The following ZMYM2 variants were observed in gnomAD, a reference collection of about 807,000 sequenced individuals.
The protein encoded by ZMYM2 is zinc finger MYM-type containing 2, also known as zinc finger MYM-type protein 2.
In ZMYM2, 56 loss-of-function variants were observed where a neutral mutation model predicts 162.8. That is an observed-to-expected ratio of 0.34 (90% confidence interval 0.28 to 0.43). The LOEUF is 0.43. ZMYM2 is among the 20% of genes least tolerant of loss of function. The pLI is 1.00. For missense variants in ZMYM2, 1,275 were observed against 1,621.8 expected (o/e 0.79, Z 3.67); for synonymous variants, 510 against 541.6 (o/e 0.94, Z 0.81).
At chr13:20,070,126 G>C (rs1314531133) in intron 21 of ZMYM2, 1 of 154,306 alleles carries the variant, frequency 6.5e-6, no homozygotes, top group African/African-American at 2.4e-5. Context: ...AGCTTCCTTA[G>C]GTTTCACATC....
At chr13:19,935,514 A>G in the ZMYM2 span, among the ~76,000 whole-genome samples, 3 of 152,218 alleles carry the variant, frequency 2.0e-5, no homozygotes, top group African/African-American at 4.8e-5. Context: ...TCACACCAAT[A>G]GTGCAAAAGC....
the ZMYM2 span, among the ~76,000 whole-genome samples, chr13:19,917,463 G>A: frequency 2.6e-5 from 4 of 151,596 alleles, no homozygotes; most frequent in Admixed American, 1.3e-4. Flanking sequence ...GGTGGTGCAC[G>A]CCTGTAATCC....
chr13:19,872,692 C>T, the ZMYM2 span, among the ~76,000 whole-genome samples: 1,653 of 152,232 alleles, frequency 0.011, 23 homozygotes, highest in Middle Eastern at 0.048. Flanking sequence ...CGTTTTGTTA[C>T]ATCTGCTTTA....
At chr13:19,877,147 G>A in the ZMYM2 span, among the ~76,000 whole-genome samples, 1 of 149,016 alleles carries the variant, frequency 6.7e-6, no homozygotes, top group South Asian at 2.1e-4. Flanking sequence ...GGGAGGCGGA[G>A]CTTGCAGTAA....
At chr13:20,027,153 CTT>C (rs759138382) in intron 8 of ZMYM2, 48 bp from the exon 9 acceptor site, 7 of 1,376,982 alleles carry the variant, frequency 5.1e-6, no homozygotes. Flanking sequence ...GATAAAAAAA[CTT>C]TTTTATTACT....
chr13:19,947,429 T>C, the ZMYM2 span, among the ~76,000 whole-genome samples: 2 of 149,998 alleles, frequency 1.3e-5, no homozygotes, highest in East Asian at 2.0e-4. Flanking sequence ...CCACAGGTTA[T>C]GTATCGCTTC....
At chr13:19,938,829 T>C in the ZMYM2 span, among the ~76,000 whole-genome samples, 1 of 152,176 alleles carries the variant, frequency 6.6e-6, no homozygotes, top group Middle Eastern at 3.4e-3. Context: ...TAACCTGATG[T>C]TAATCAATCA....
the ZMYM2 span, among the ~76,000 whole-genome samples, chr13:19,917,026 G>A: frequency 2.1e-3 from 318 of 152,248 alleles, no homozygotes; most frequent in South Asian, 0.019. Flanking sequence ...CCAGTGGAGC[G>A]ATCTCCGCTC....
intron 20 of ZMYM2, 110 bp downstream of exon 20, chr13:20,067,129 A>G (rs1956741174): frequency 7.2e-7 from 1 of 1,381,388 alleles, no homozygotes; most frequent in Non-Finnish European, 9.6e-7. Flanking sequence ...ACCTGTAAGA[A>G]TGCATTTTAT....
chr13:20,042,722 T>C (rs1954377209), intron 12 of ZMYM2, among the ~76,000 whole-genome samples: 1 of 145,546 alleles, frequency 6.9e-6, no homozygotes, highest in African/African-American at 2.7e-5. Context: ...TTTATTATTA[T>C]TATTTTTTTT....
intron 1 of ZMYM2, among the ~76,000 whole-genome samples, chr13:19,959,354 G>A (rs1954914077): frequency 1.3e-5 from 2 of 152,140 alleles, no homozygotes; most frequent in Admixed American, 1.3e-4. Flanking sequence ...TCGGGGTGAG[G>A]GCTGCTGCCT....
chr13:19,997,611 A>G (rs1344634574), intron 3 of ZMYM2, among the ~76,000 whole-genome samples: 1 of 152,148 alleles, frequency 6.6e-6, no homozygotes, highest in Non-Finnish European at 1.5e-5. Flanking sequence ...AGCAATTTAT[A>G]CTGTCATGAA....
the ZMYM2 span, among the ~76,000 whole-genome samples, chr13:19,890,837 A>C: frequency 1.3e-5 from 2 of 150,878 alleles, no homozygotes; most frequent in African/African-American, 4.9e-5. Flanking sequence ...GTGCCATTGC[A>C]CTCCAGCCTG....
At position 19,963,355 on chromosome 13, in the gene ZMYM2, G is replaced by T. The variant is rs7983727; in HGVS notation, c.-11+3329G>T. ...GTGAACAGGACTTTTGAAGTATTCA[G>T]ATCAAAAAGTTCTAATGCAGGTCTC... On this transcript the variant is annotated intron_variant, in intron 2 of 24. Coordinates refer to ENST00000610343, the MANE Select transcript of ZMYM2 (RefSeq NM_197968.4). Among the ~76,000 whole-genome samples, 963 of 152,312 alleles carry T rather than the reference G, an allele frequency of 6.3e-3. 17 individuals carry two copies. Among genetic ancestry groups the T allele is most frequent in the African/African-American group, 0.022 (901 of 41,550 alleles).
chr13:19,988,154 G>T (rs1297931753), intron 2 of ZMYM2, among the ~76,000 whole-genome samples: 3 of 152,150 alleles, frequency 2.0e-5, no homozygotes, highest in African/African-American at 7.2e-5. Context: ...ACTCAAAGGG[G>T]TTGTCACAGT....
At position 20,031,443 on chromosome 13, in the gene ZMYM2, G is replaced by A. The variant is rs1343169641; in HGVS notation, c.1968+8G>A. ...GAAATCCTGGAATGGGAGGCAAGTT[G>A]TATTTTGTAATGTGTGTTATCTAAT... On this transcript the variant is annotated splice_region_variant and intron_variant, in intron 10 of 24. Transcript: ENST00000610343. 6.4e-7 allele frequency: 1 copy of A among 1,573,076 alleles called. No individual in the cohort carries two copies. The highest frequency in any genetic ancestry group is 1.8e-5 in the Admixed American group (1 of 55,452).
intron 15 of ZMYM2, 57 bp from the exon 16 acceptor site, chr13:20,059,390 G>GC: frequency 6.4e-7 from 1 of 1,572,212 alleles, no homozygotes; most frequent in South Asian, 1.2e-5. Flanking sequence ...TTAACATTGA[G>GC]CACCTGTATA....
intron 2 of ZMYM2, among the ~76,000 whole-genome samples, chr13:19,962,418 C>T (rs898590892): frequency 6.8e-6 from 1 of 147,128 alleles, no homozygotes; most frequent in Non-Finnish European, 1.5e-5. Flanking sequence ...TGTCTCTATA[C>T]CATTTGACAA....
At chr13:19,937,122 T>C in the ZMYM2 span, among the ~76,000 whole-genome samples, 2 of 152,054 alleles carry the variant, frequency 1.3e-5, no homozygotes, top group African/African-American at 4.8e-5. Flanking sequence ...TTTAAAAATA[T>C]ATGACATTAA....
Sources: allele counts gnomAD v4.1 joint callset (sites outside exome capture counted in the v4.1 genomes callset), GRCh38; gene constraint gnomAD v4.1.1; transcripts MANE v1.5; gene names NCBI Gene and HGNC (gene_info 2026-07-23, HGNC 2026-07-21).